The following TBC1D19 variants were observed in gnomAD, a reference collection of about 807,000 sequenced individuals.
TBC1D19 encodes TBC1 domain family member 19, also known as TBC1 domain family, member 19.
In TBC1D19, 60 loss-of-function variants were observed where a neutral mutation model predicts 89.0. The observed-to-expected ratio is 0.67, with a 90% confidence interval of 0.55 to 0.84. The LOEUF (loss-of-function observed/expected upper bound fraction) is 0.84, where lower values mean the gene tolerates loss of function less well. Ranked by LOEUF, TBC1D19 falls within the 40% of genes least tolerant of loss-of-function variation. The probability of loss-of-function intolerance (pLI) is 0.00; values close to 1 mark genes in which losing one functional copy is unlikely to be tolerated. For synonymous variants in TBC1D19, 189 were observed against 199.7 expected (o/e 0.95, Z 0.45); for missense variants, 500 against 610.8 (o/e 0.82, Z 1.91).
chr4:26,795,435 T>G, the TBC1D19 span, among the ~76,000 whole-genome samples: 1 of 152,242 alleles, frequency 6.6e-6, no homozygotes, highest in Non-Finnish European at 1.5e-5. Flanking sequence ...ACTCACTTAC[T>G]GTCTATCTGC....
the TBC1D19 span, among the ~76,000 whole-genome samples, chr4:26,830,870 G>T: frequency 6.6e-6 from 1 of 152,158 alleles, no homozygotes; most frequent in Admixed American, 6.5e-5. Flanking sequence ...GCTAGCCTCA[G>T]ACCTCTGCGA....
At chr4:26,795,272 G>A in the TBC1D19 span, among the ~76,000 whole-genome samples, 2 of 151,974 alleles carry the variant, frequency 1.3e-5, no homozygotes, top group African/African-American at 4.8e-5. Flanking sequence ...CCTTCTCTTG[G>A]CTTAAATGTC....
chr4:26,775,242 A>C, the TBC1D19 span, among the ~76,000 whole-genome samples: 4 of 152,220 alleles, frequency 2.6e-5, no homozygotes, highest in Non-Finnish European at 5.9e-5. Context: ...ACTTGAGCCC[A>C]GGAGTTTGAG....
At chr4:26,655,788 G>A (rs933382869) in intron 7 of TBC1D19, among the ~76,000 whole-genome samples, 1 of 152,194 alleles carries the variant, frequency 6.6e-6, no homozygotes, top group Non-Finnish European at 1.5e-5. Flanking sequence ...TCCTTGGCTA[G>A]GAAAGGGAAT....
the TBC1D19 span, among the ~76,000 whole-genome samples, chr4:26,776,343 A>G: frequency 6.6e-6 from 1 of 152,212 alleles, no homozygotes; most frequent in African/African-American, 2.4e-5. Flanking sequence ...ATGGGATAAA[A>G]TATCTATAAT....
intron 8 of TBC1D19, among the ~76,000 whole-genome samples, chr4:26,661,416 G>T (rs1246524960): frequency 6.6e-6 from 1 of 152,116 alleles, no homozygotes; most frequent in Non-Finnish European, 1.5e-5. Flanking sequence ...AAAAGAGGTT[G>T]GCTGGCTATA....
At chr4:26,656,363 C>A (rs749232762) in intron 7 of TBC1D19, among the ~76,000 whole-genome samples, 1 of 151,892 alleles carries the variant, frequency 6.6e-6, no homozygotes, top group Non-Finnish European at 1.5e-5. Flanking sequence ...ATGAATTAAC[C>A]ATTCTTTATT....
chr4:26,617,911 T>C (rs949866821), intron 3 of TBC1D19, among the ~76,000 whole-genome samples: 1 of 152,118 alleles, frequency 6.6e-6, no homozygotes, highest in African/African-American at 2.4e-5. Context: ...CCTTAGAGAG[T>C]TACAAGTGTC....
intron 1 of TBC1D19, among the ~76,000 whole-genome samples, chr4:26,608,824 G>C (rs193067055): frequency 6.6e-6 from 1 of 151,416 alleles, no homozygotes; most frequent in African/African-American, 2.4e-5. Context: ...CCTTGTTTTG[G>C]GGGGGAGGAA....
chr4:26,754,198 C>A (rs1719139825), intron 20 of TBC1D19: 1 of 242,390 alleles, frequency 4.1e-6, no homozygotes, highest in Non-Finnish European at 8.1e-6. Flanking sequence ...TTTTATCGTT[C>A]ATGTCCATGC....
At chr4:26,659,544 G>A (rs928097369) in intron 7 of TBC1D19, 53 bp from the exon 8 acceptor site, 9 of 1,200,380 alleles carry the variant, frequency 7.5e-6, no homozygotes, top group East Asian at 2.4e-5. Flanking sequence ...AATTTTATAA[G>A]TGTAAACATC....
upstream of TBC1D19, among the ~76,000 whole-genome samples, chr4:26,582,754 G>T (rs151309119): frequency 2.5e-3 from 378 of 152,262 alleles, 1 homozygote; most frequent in African/African-American, 8.6e-3. Flanking sequence ...TTTCCTGGCT[G>T]CCTCTTTCTA....
chr4:26,819,917 A>C, the TBC1D19 span, among the ~76,000 whole-genome samples: 7 of 152,204 alleles, frequency 4.6e-5, no homozygotes, highest in Admixed American at 4.6e-4. Flanking sequence ...CTCGTCCCTC[A>C]GATATCAACA....
the TBC1D19 span, among the ~76,000 whole-genome samples, chr4:26,773,153 C>T: frequency 6.6e-6 from 1 of 152,208 alleles, no homozygotes; most frequent in Non-Finnish European, 1.5e-5. Context: ...TAATAGTCAC[C>T]ATTCTGACTG....
the TBC1D19 span, among the ~76,000 whole-genome samples, chr4:26,827,135 C>T: frequency 6.6e-6 from 1 of 152,340 alleles, no homozygotes; most frequent in East Asian, 1.9e-4. Flanking sequence ...GGAGACTGCT[C>T]TTCCATAGCC....
chr4:26,732,806 G>C (rs1354924810), intron 15 of TBC1D19, among the ~76,000 whole-genome samples: 1 of 152,174 alleles, frequency 6.6e-6, no homozygotes, highest in Non-Finnish European at 1.5e-5. Flanking sequence ...TTAGAGCACA[G>C]GTGAAGATGT....
the TBC1D19 span, among the ~76,000 whole-genome samples, chr4:26,801,057 G>A: frequency 6.6e-6 from 1 of 152,140 alleles, no homozygotes; most frequent in Non-Finnish European, 1.5e-5. Flanking sequence ...ATTGCTTTTG[G>A]TGTTTTAGAC....
chr4:26,583,841 G>A, upstream of TBC1D19: 1 of 278,784 alleles, frequency 3.6e-6, no homozygotes, highest in Non-Finnish European at 7.0e-6. Context: ...CCTTTATATA[G>A]TAAAACGCAC....
chr4:26,713,620 G>T (rs938297799), intron 13 of TBC1D19, among the ~76,000 whole-genome samples: 3 of 152,010 alleles, frequency 2.0e-5, no homozygotes, highest in African/African-American at 7.2e-5. Context: ...CTAATAAGAT[G>T]ATTCAGTTAA....
Sources: allele counts gnomAD v4.1 joint callset (sites outside exome capture counted in the v4.1 genomes callset), GRCh38; gene constraint gnomAD v4.1.1; transcripts MANE v1.5; gene names NCBI Gene and HGNC (gene_info 2026-07-23, HGNC 2026-07-21).